Variants in SND1 observed in about 807,000 individuals in gnomAD.
The protein encoded by SND1 is staphylococcal nuclease domain-containing protein 1.
In SND1, 38 loss-of-function variants were observed where a neutral mutation model predicts 121.7. The ratio of observed to expected loss-of-function variants is 0.31; its 90% CI spans 0.24 to 0.41. The LOEUF (loss-of-function observed/expected upper bound fraction) is 0.41, where lower values mean the gene tolerates loss of function less well. Among genes scored for constraint, SND1 ranks in the 10% least tolerant of loss-of-function variants. The pLI is 1.00. For missense variants in SND1, 868 were observed against 1,184.6 expected (o/e 0.73, Z 3.92); for synonymous variants, 401 against 447.4 (o/e 0.90, Z 1.31).
intron 10 of SND1, among the ~76,000 whole-genome samples, chr7:127,781,655 C>A (rs1437173367): frequency 6.6e-6 from 1 of 151,970 alleles, no homozygotes; most frequent in African/African-American, 2.4e-5. Context: ...TTTATAAGTC[C>A]TTCCTTTTAG....
At chr7:127,700,226 G>C (rs938337850) in intron 4 of SND1, among the ~76,000 whole-genome samples, 1 of 152,126 alleles carries the variant, frequency 6.6e-6, no homozygotes, top group African/African-American at 2.4e-5. Flanking sequence ...AAATTGTTTT[G>C]ACTTCAAGTC....
At chr7:127,819,847 G>C (rs1798515640) in intron 11 of SND1, among the ~76,000 whole-genome samples, 1 of 152,318 alleles carries the variant, frequency 6.6e-6, no homozygotes, top group South Asian at 2.1e-4. Context: ...GATGAATACT[G>C]ATGTGATGGC....
At chr7:127,755,340 A>C (rs1220344213) in intron 10 of SND1, among the ~76,000 whole-genome samples, 1 of 152,216 alleles carries the variant, frequency 6.6e-6, no homozygotes, top group Non-Finnish European at 1.5e-5. Context: ...GAAACGAGGA[A>C]GTTCTGTTCA....
intron 11 of SND1, among the ~76,000 whole-genome samples, chr7:127,818,436 A>G (rs1484174011): frequency 6.6e-6 from 1 of 152,180 alleles, no homozygotes. Context: ...AATAAATACT[A>G]TTTTTTGGCT....
intron 12 of SND1, chr7:127,857,810 G>A: frequency 1.2e-6 from 1 of 800,050 alleles, no homozygotes; most frequent in South Asian, 1.4e-5. Flanking sequence ...ACAAAGTTCA[G>A]GAAAGAAGGG....
chr7:127,718,327 A>G (rs973322868), intron 9 of SND1, among the ~76,000 whole-genome samples: 7 of 152,312 alleles, frequency 4.6e-5, no homozygotes, highest in Admixed American at 4.6e-4. Context: ...GGCTTCAGAC[A>G]GTAATCCACT....
chr7:127,882,407 G>A (rs1173835284), intron 12 of SND1, among the ~76,000 whole-genome samples: 2 of 111,260 alleles, frequency 1.8e-5, no homozygotes, highest in Non-Finnish European at 3.9e-5. Context: ...AGGGAGGGAC[G>A]GAGGAGAAAA....
At chr7:127,775,309 G>T (rs1415465330) in intron 10 of SND1, among the ~76,000 whole-genome samples, 1 of 151,672 alleles carries the variant, frequency 6.6e-6, no homozygotes, top group East Asian at 1.9e-4. Flanking sequence ...GTGGTAATTT[G>T]TGTGGCACAT....
intron 17 of SND1, 113 bp from the exon 18 acceptor site, chr7:128,081,247 C>A (rs188221871): frequency 1.8e-5 from 24 of 1,306,048 alleles, no homozygotes; most frequent in Non-Finnish European, 2.5e-5. Context: ...CCACCCGCCT[C>A]GGCCTCCCAA....
intron 16 of SND1, chr7:128,030,378 T>A (rs1451557362): frequency 1.7e-5 from 28 of 1,613,848 alleles, no homozygotes; most frequent in Non-Finnish European, 2.3e-5. Context: ...CTGGATCATC[T>A]GGATGTTGTT....
intron 16 of SND1, among the ~76,000 whole-genome samples, chr7:128,012,023 A>G (rs1803127461): frequency 6.6e-6 from 1 of 152,198 alleles, no homozygotes; most frequent in Non-Finnish European, 1.5e-5. Context: ...ATATAAATAT[A>G]TATTAATGTT....
intron 15 of SND1, among the ~76,000 whole-genome samples, chr7:127,935,797 G>C (rs964358245): frequency 6.6e-6 from 1 of 152,208 alleles, no homozygotes; most frequent in African/African-American, 2.4e-5. Context: ...ATGTCTCTTT[G>C]CAGTAAGGAG....
chr7:127,680,606 G>A (rs549533307), intron 1 of SND1, among the ~76,000 whole-genome samples: 15 of 151,794 alleles, frequency 9.9e-5, no homozygotes, highest in South Asian at 4.2e-4. Context: ...GCTCACCGGC[G>A]GTCAGAGTTT....
At position 127,849,097 on chromosome 7, in the gene SND1, C is replaced by T. The variant is rs376805201; in HGVS notation, c.1343+4673C>T. Among the ~76,000 whole-genome samples, 44 of 152,278 alleles carry T rather than the reference C, an allele frequency of 2.9e-4. No individual in the cohort carries two copies. In the East Asian group the frequency reaches 8.1e-3, roughly 28 times the overall value. Reference sequence around the variant, plus strand: ...CAAACTTTGAGTCTTTTCTCATTCTCTGGTTCCTGGGTTGGGAATTAGCTG... The same window carrying T: ...CAAACTTTGAGTCTTTTCTCATTCTTTGGTTCCTGGGTTGGGAATTAGCTG... On this transcript the variant is annotated intron_variant, in intron 12 of 23. Transcript: ENST00000354725.
chr7:128,068,532 G>A (rs1793355484), intron 16 of SND1, among the ~76,000 whole-genome samples: 1 of 152,194 alleles, frequency 6.6e-6, no homozygotes, highest in African/African-American at 2.4e-5. Flanking sequence ...CCAGACAATG[G>A]GGAGAAGAGG....
intron 22 of SND1, 155 bp downstream of exon 22, chr7:128,089,847 T>C (rs952381299): frequency 4.1e-6 from 3 of 728,088 alleles, no homozygotes; most frequent in Non-Finnish European, 4.5e-6. Flanking sequence ...TTTTTTTGTT[T>C]TTGTTTTAAA....
At chr7:128,086,716 C>A in intron 20 of SND1, 1 of 602,362 alleles carries the variant, frequency 1.7e-6, no homozygotes, top group Non-Finnish European at 3.0e-6. Context: ...CAGCACCAGG[C>A]CCAGAGTGAG....
At chr7:127,848,206 G>A (rs1474509766) in intron 12 of SND1, among the ~76,000 whole-genome samples, 1 of 152,226 alleles carries the variant, frequency 6.6e-6, no homozygotes, top group African/African-American at 2.4e-5. Flanking sequence ...TTAAACAATA[G>A]AGGTGAACTG....
intron 16 of SND1, among the ~76,000 whole-genome samples, chr7:128,063,403 A>C (rs1793263656): frequency 6.6e-6 from 1 of 152,162 alleles, no homozygotes; most frequent in Non-Finnish European, 1.5e-5. Context: ...GACTGAAGCC[A>C]GTTTCTGCCC....
Sources: gnomAD v4.1 joint callset for allele counts (sites outside exome capture counted in the v4.1 genomes callset) on GRCh38, gnomAD v4.1.1 for gene constraint, MANE v1.5 for transcripts, NCBI Gene and HGNC (gene_info 2026-07-23, HGNC 2026-07-21) for gene names.